The following NEGR1 variants were observed in gnomAD, a reference collection of about 807,000 sequenced individuals.
NEGR1 encodes the protein IgLON family member 4.
Under a neutral mutation model 40.9 loss-of-function variants are expected in NEGR1, and 10 were observed. The observed-to-expected ratio is 0.24, with a 90% CI of 0.15 to 0.42. The LOEUF (loss-of-function observed/expected upper bound fraction) is 0.42, where lower values mean the gene tolerates loss of function less well. Among genes scored for constraint, NEGR1 ranks in the 10% least tolerant of loss-of-function variants. The pLI is 1.00. For missense variants in NEGR1, 352 were observed against 438.9 expected (o/e 0.80, Z 1.77); for synonymous variants, 185 against 166.8 (o/e 1.11, Z -0.84).
rs71074806 is a variant in NEGR1 at position 71,811,858 on chromosome 1, A to ATTTATTTTATTTTATTTTAT, written c.410-35581_410-35562dup. Among the ~76,000 whole-genome samples the ATTTATTTTATTTTATTTTAT allele has an allele frequency of 9.3e-3, 1,279 of 137,540 alleles. 26 individuals are homozygous for ATTTATTTTATTTTATTTTAT. Among genetic ancestry groups the ATTTATTTTATTTTATTTTAT allele is most frequent in the African/African-American group, 0.034 (1,206 of 35,696 alleles). The allele number at this position is 137,540 out of a possible 152,430, so 90.2% of individuals were successfully genotyped here. On this transcript the variant is annotated intron_variant, in intron 2 of 6. Coordinates refer to ENST00000357731, the MANE Select transcript of NEGR1 (RefSeq NM_173808.3). ...TGACTCAATATCCAAAGTTCTATTT[A>ATTTATTTTATTTTATTTTAT]TTTATTTTATTTTATTTTATTTTAT... is the stretch of plus-strand genomic sequence containing the variant.
intron 2 of NEGR1, among the ~76,000 whole-genome samples, chr1:71,817,216 G>A (rs1397572658): frequency 6.6e-6 from 1 of 152,046 alleles, no homozygotes; most frequent in Non-Finnish European, 1.5e-5. Context: ...TCCAGGGGAT[G>A]TGGTGAGCAG....
intron 1 of NEGR1, among the ~76,000 whole-genome samples, chr1:71,984,199 T>C (rs1646376423): frequency 6.8e-6 from 1 of 146,616 alleles, no homozygotes; most frequent in African/African-American, 2.4e-5. Flanking sequence ...TCCTAACTTT[T>C]GGCTACACAA....
intron 2 of NEGR1, among the ~76,000 whole-genome samples, chr1:71,901,531 G>C (rs1661142312): frequency 6.6e-6 from 1 of 151,954 alleles, no homozygotes; most frequent in Admixed American, 6.6e-5. Flanking sequence ...TAGGGTGTAG[G>C]TAATTGGCTT....
intron 1 of NEGR1, among the ~76,000 whole-genome samples, chr1:72,239,175 T>C (rs1183067532): frequency 6.6e-6 from 1 of 151,894 alleles, no homozygotes; most frequent in African/African-American, 2.4e-5. Context: ...CAGCCACTTT[T>C]TGAAACAGAA....
At position 71,406,499 on chromosome 1, in the gene NEGR1, A is replaced by G. The variant is rs1646278855; in HGVS notation, c.*947T>C. The G allele has an allele frequency of 6.6e-6, 1 of 152,026 alleles. No homozygotes were observed. The highest frequency in any genetic ancestry group is 6.6e-5 in the Admixed American group (1 of 15,220). The allele number at this position is 152,026 out of a possible 1,614,324, so 9.4% of individuals were successfully genotyped here. A position where few individuals can be genotyped will look rare whatever the true frequency, so the allele number is the denominator to read the frequency against. On this transcript the variant is annotated 3_prime_UTR_variant, in exon 7 of 7. Coordinates refer to ENST00000357731, the MANE Select transcript of NEGR1 (RefSeq NM_173808.3). ...AGGAAAAGATGCTGTATTGCTAGGC[A>G]ATCCTTTGAGTGGACTGTGCTGTCA...
chr1:71,881,605 T>G (rs1466551647), intron 2 of NEGR1, among the ~76,000 whole-genome samples: 1 of 152,086 alleles, frequency 6.6e-6, no homozygotes, highest in African/African-American at 2.4e-5. Flanking sequence ...ATTTGCTCAA[T>G]TTGTTTTCAT....
chr1:72,155,509 C>T (rs1340937807), intron 1 of NEGR1, among the ~76,000 whole-genome samples: 2 of 152,064 alleles, frequency 1.3e-5, no homozygotes, highest in East Asian at 3.9e-4. Flanking sequence ...AAAAAAGATG[C>T]ATTAATTATA....
intron 2 of NEGR1, among the ~76,000 whole-genome samples, chr1:71,839,766 C>T (rs1020269413): frequency 2.6e-5 from 4 of 152,062 alleles, no homozygotes; most frequent in African/African-American, 9.7e-5. Flanking sequence ...GCAATCTCCA[C>T]CCTTATTTCT....
At chr1:71,580,924 G>A (rs775129867) in intron 6 of NEGR1, among the ~76,000 whole-genome samples, 1 of 152,028 alleles carries the variant, frequency 6.6e-6, no homozygotes, top group Non-Finnish European at 1.5e-5. Flanking sequence ...TAGCTTTTAA[G>A]GCCAATTGAG....
At chr1:71,633,922 G>A (rs576124816) in intron 4 of NEGR1, among the ~76,000 whole-genome samples, 7 of 152,032 alleles carry the variant, frequency 4.6e-5, no homozygotes, top group Non-Finnish European at 5.9e-5. Flanking sequence ...CTTGTACTGA[G>A]TATTACAATC....
At chr1:71,460,235 T>C (rs1192389313) in intron 6 of NEGR1, among the ~76,000 whole-genome samples, 1 of 152,190 alleles carries the variant, frequency 6.6e-6, no homozygotes, top group African/African-American at 2.4e-5. Flanking sequence ...TGTGGTGGGA[T>C]AGTGTTGTTG....
chr1:72,076,890 C>CT (rs56943357), intron 1 of NEGR1, among the ~76,000 whole-genome samples: 33,910 of 101,652 alleles, frequency 0.33, 5,725 homozygotes, highest in Non-Finnish European at 0.37. Flanking sequence ...CTCATTTATC[C>CT]TTTTTTTTTT....
chr1:71,988,461 C>G (rs1204370136), intron 1 of NEGR1, among the ~76,000 whole-genome samples: 1 of 146,748 alleles, frequency 6.8e-6, no homozygotes, highest in Non-Finnish European at 1.5e-5. Context: ...ATGGCGTGAA[C>G]CCGGGAAGCG....
At chr1:72,216,519 A>T (rs998161794) in intron 1 of NEGR1, among the ~76,000 whole-genome samples, 2 of 150,548 alleles carry the variant, frequency 1.3e-5, no homozygotes, top group Admixed American at 1.3e-4. Context: ...ATTATTTCCA[A>T]ATAGATAATA....
intron 6 of NEGR1, among the ~76,000 whole-genome samples, chr1:71,441,307 T>TC (rs1646545810): frequency 6.6e-6 from 1 of 152,192 alleles, no homozygotes; most frequent in Non-Finnish European, 1.5e-5. Context: ...GCCCCAATCT[T>TC]TTAGCTTTCC....
rs963929732 is a variant in NEGR1, at chr1:71,480,981, T to C, written c.941-73411A>G. 6.8e-4 allele frequency among the ~76,000 whole-genome samples: 103 copies of C among 152,076 alleles called. 1 individual carries two copies. The highest frequency in any genetic ancestry group is 2.4e-3 in the African/African-American group (99 of 41,538). On this transcript the variant is annotated intron_variant, in intron 6 of 6. Coordinates refer to ENST00000357731, the MANE Select transcript of NEGR1 (RefSeq NM_173808.3). ...ACATCCAAATTGTAGTCTGATTCTA[T>C]TAAATGTTAGTTCCTTTATTTTATA...
intron 1 of NEGR1, among the ~76,000 whole-genome samples, chr1:71,980,889 C>T (rs1022071065): frequency 6.6e-6 from 1 of 151,890 alleles, no homozygotes; most frequent in African/African-American, 2.4e-5. Flanking sequence ...CACCATCCTT[C>T]TTTATTTGGC....
chr1:72,129,423 C>T (rs1247576150), intron 1 of NEGR1, among the ~76,000 whole-genome samples: 1 of 152,088 alleles, frequency 6.6e-6, no homozygotes, highest in Non-Finnish European at 1.5e-5. Context: ...ACAAAAGTTA[C>T]AATTGCCTTA....
intron 2 of NEGR1, among the ~76,000 whole-genome samples, chr1:71,919,346 T>C (rs187845390): frequency 3.0e-4 from 46 of 152,326 alleles, no homozygotes; most frequent in Non-Finnish European, 4.7e-4. Context: ...GACAGCCTCA[T>C]AGTAATGCTA....
Sources: gnomAD v4.1 joint callset for allele counts (sites outside exome capture counted in the v4.1 genomes callset) on GRCh38, gnomAD v4.1.1 for gene constraint, MANE v1.5 for transcripts, NCBI Gene and HGNC (gene_info 2026-07-23, HGNC 2026-07-21) for gene names.